CDH18: variants seen among roughly 807,000 people sequenced by gnomAD.
CDH18 encodes cadherin-18.
CDH18 carries 31 observed loss-of-function variants against 67.9 expected under a neutral mutation model. That is an observed-to-expected ratio of 0.46 (90% CI 0.34 to 0.62). The LOEUF is 0.62. CDH18 is among the 20% of genes least tolerant of loss of function. CDH18 has a pLI of 0.01. For synonymous variants in CDH18, 362 were observed against 347.2 expected (o/e 1.04, Z -0.48); for missense variants, 890 against 975.5 (o/e 0.91, Z 1.17).
At chr5:20,254,320 C>G (rs1744071082) in intron 2 of CDH18, among the ~76,000 whole-genome samples, 1 of 152,100 alleles carries the variant, frequency 6.6e-6, no homozygotes, top group Admixed American at 6.6e-5. Context: ...ACACATTGGC[C>G]AGGCTGGTCT....
chr5:20,038,245 A>C (rs1740068075), intron 2 of CDH18, among the ~76,000 whole-genome samples: 1 of 152,168 alleles, frequency 6.6e-6, no homozygotes, highest in Non-Finnish European at 1.5e-5. Flanking sequence ...GACCAGATGG[A>C]TTTACAGCCA....
At chr5:19,564,945 A>T (rs1740103879) in intron 8 of CDH18, among the ~76,000 whole-genome samples, 1 of 152,004 alleles carries the variant, frequency 6.6e-6, no homozygotes, top group Non-Finnish European at 1.5e-5. Context: ...ACATGGGGAG[A>T]AACTCCTGCT....
At chr5:20,279,699 C>CAAAAAAAA (rs1189257278) in intron 1 of CDH18, among the ~76,000 whole-genome samples, 813 of 13,536 alleles carry the variant, frequency 0.06, 146 homozygotes, top group South Asian at 0.13. Context: ...AGCTCTGTCT[C>CAAAAAAAA]AAAAAAAAAA....
chr5:20,153,605 T>TC (rs1388166543), intron 2 of CDH18, among the ~76,000 whole-genome samples: 1 of 152,182 alleles, frequency 6.6e-6, no homozygotes, highest in Admixed American at 6.5e-5. Flanking sequence ...AAATTTATTT[T>TC]CTCACAGTTG....
At chr5:19,573,414 A>G (rs1021944578) in intron 7 of CDH18, among the ~76,000 whole-genome samples, 9 of 151,776 alleles carry the variant, frequency 5.9e-5, no homozygotes, top group Non-Finnish European at 8.8e-5. Flanking sequence ...GAGTAGCTGG[A>G]ACTACAGGCG....
chr5:19,625,770 C>T (rs1561494460), intron 5 of CDH18, among the ~76,000 whole-genome samples: 1 of 151,986 alleles, frequency 6.6e-6, no homozygotes, highest in Non-Finnish European at 1.5e-5. Flanking sequence ...GGCCTGTGCA[C>T]TGGGGTAGAG....
In CDH18 at chr5:19,941,044, G is replaced by A. The variant is rs112345245; in HGVS notation, c.-257+40016C>T. 3.1e-3 allele frequency among the ~76,000 whole-genome samples: 474 copies of A among 152,182 alleles called. 7 individuals are homozygous for A. Among genetic ancestry groups the A allele is most frequent in the African/African-American group, 9.1e-3 (380 of 41,554 alleles). Reference sequence around the variant, plus strand: ...AAACTAAATGTTTGTGTTTCTCCACGATTCTGTGTTGAAACCTAATCCCCA... The same window carrying A: ...AAACTAAATGTTTGTGTTTCTCCACAATTCTGTGTTGAAACCTAATCCCCA... On this transcript the variant is annotated intron_variant, in intron 2 of 12. Coordinates refer to ENST00000382275, the MANE Select transcript of CDH18 (RefSeq NM_004934.5).
At chr5:19,886,082 A>C (rs2150069925) in intron 2 of CDH18, 1 of 152,300 alleles carries the variant, frequency 6.6e-6, no homozygotes, top group East Asian at 1.9e-4. Context: ...GCAAAAAAGT[A>C]AAACAAGAAT....
At chr5:20,419,919 A>G (rs1187706379) in intron 1 of CDH18, among the ~76,000 whole-genome samples, 1 of 151,116 alleles carries the variant, frequency 6.6e-6, no homozygotes. Flanking sequence ...AGAAAAAACG[A>G]CAGATTTCCT....
At chr5:19,477,730 C>T (rs1456469837) in intron 12 of CDH18, among the ~76,000 whole-genome samples, 1 of 151,964 alleles carries the variant, frequency 6.6e-6, no homozygotes, top group African/African-American at 2.4e-5. Context: ...CCTATCAAAG[C>T]ATACACATTG....
At chr5:19,871,545 T>G (rs1406105623) in intron 2 of CDH18, among the ~76,000 whole-genome samples, 1 of 152,208 alleles carries the variant, frequency 6.6e-6, no homozygotes, top group East Asian at 1.9e-4. Flanking sequence ...ATGTAGCATA[T>G]TCCTAAATAT....
At chr5:20,343,368 C>T (rs1740428078) in intron 1 of CDH18, among the ~76,000 whole-genome samples, 1 of 152,164 alleles carries the variant, frequency 6.6e-6, no homozygotes, top group Non-Finnish European at 1.5e-5. Context: ...ATCACAGCCC[C>T]TCAATCACTG....
At chr5:19,854,158 CATGA>C (rs1344767161) in intron 2 of CDH18, among the ~76,000 whole-genome samples, 2 of 152,046 alleles carry the variant, frequency 1.3e-5, no homozygotes, top group Non-Finnish European at 2.9e-5. Context: ...TAAACATATT[CATGA>C]ATACCATCAA....
At chr5:20,541,608 A>G (rs1194890128) in intron 1 of CDH18, among the ~76,000 whole-genome samples, 1 of 152,178 alleles carries the variant, frequency 6.6e-6, no homozygotes, top group Non-Finnish European at 1.5e-5. Flanking sequence ...TCTACTTGGA[A>G]GGGAGGTATT....
intron 2 of CDH18, among the ~76,000 whole-genome samples, chr5:20,097,434 T>C (rs1224656690): frequency 6.6e-6 from 1 of 152,016 alleles, no homozygotes; most frequent in Non-Finnish European, 1.5e-5. Context: ...AACCGTCAGA[T>C]CTCATGAGAC....
chr5:20,114,075 T>C (rs1747695518), intron 2 of CDH18, among the ~76,000 whole-genome samples: 1 of 152,216 alleles, frequency 6.6e-6, no homozygotes, highest in South Asian at 2.1e-4. Flanking sequence ...GAAGCATTTG[T>C]GATGTATATG....
intron 10 of CDH18, among the ~76,000 whole-genome samples, chr5:19,516,447 T>C (rs1326390093): frequency 6.6e-6 from 1 of 152,204 alleles, no homozygotes; most frequent in African/African-American, 2.4e-5. Context: ...TTTGTACCTC[T>C]GGTAGAATTT....
At chr5:20,058,740 G>A (rs1032993939) in intron 2 of CDH18, among the ~76,000 whole-genome samples, 4 of 152,168 alleles carry the variant, frequency 2.6e-5, no homozygotes, top group Non-Finnish European at 4.4e-5. Flanking sequence ...GAATTTGTTT[G>A]TCTCATTAGC....
intron 2 of CDH18, among the ~76,000 whole-genome samples, chr5:19,978,128 T>C (rs1798682884): frequency 6.6e-6 from 1 of 152,124 alleles, no homozygotes; most frequent in South Asian, 2.1e-4. Flanking sequence ...CTGTACAAAA[T>C]AATTCAATAC....
Sources: allele counts gnomAD v4.1 joint callset (sites outside exome capture counted in the v4.1 genomes callset), GRCh38; gene constraint gnomAD v4.1.1; transcripts MANE v1.5; gene names NCBI Gene and HGNC (gene_info 2026-07-23, HGNC 2026-07-21).